FBXW4: variants seen among roughly 807,000 people sequenced by gnomAD.
FBXW4 encodes F-box and WD repeat domain containing 4.
A neutral mutation model predicts 61.8 loss-of-function variants in FBXW4; 40 were observed. The observed-to-expected ratio is 0.65, with a 90% CI of 0.50 to 0.84. FBXW4 has a LOEUF of 0.84. Ranked by LOEUF, FBXW4 falls within the 40% of genes least tolerant of loss-of-function variation. FBXW4 has a pLI of 0.00. For missense variants in FBXW4, 672 were observed against 753.8 expected (o/e 0.89, Z 1.27); for synonymous variants, 311 against 313.8 (o/e 0.99, Z 0.10).
At chr10:101,616,086 C>T (rs1051393459) in intron 6 of FBXW4, among the ~76,000 whole-genome samples, 1 of 152,182 alleles carries the variant, frequency 6.6e-6, no homozygotes, top group Non-Finnish European at 1.5e-5. Context: ...GACCCAGATG[C>T]TCATTCCTGC....
At chr10:101,619,890 G>A (rs770656179) in intron 6 of FBXW4, among the ~76,000 whole-genome samples, 5 of 152,198 alleles carry the variant, frequency 3.3e-5, no homozygotes, top group Non-Finnish European at 7.4e-5. Context: ...TCTGTGAGAA[G>A]CAGCATTGGC....
intron 5 of FBXW4, among the ~76,000 whole-genome samples, chr10:101,652,544 T>A (rs1383430280): frequency 6.7e-6 from 1 of 149,650 alleles, no homozygotes; most frequent in African/African-American, 2.5e-5. Context: ...AAGAAAAAAA[T>A]AATAATAACG....
At chr10:101,670,448 A>G (rs535465395) in intron 4 of FBXW4, among the ~76,000 whole-genome samples, 1 of 152,346 alleles carries the variant, frequency 6.6e-6, no homozygotes, top group South Asian at 2.1e-4. Context: ...TATCAGGCAA[A>G]CAATAATGGT....
chr10:101,620,494 C>G (rs2063859218), intron 6 of FBXW4, among the ~76,000 whole-genome samples: 1 of 152,216 alleles, frequency 6.6e-6, no homozygotes, highest in Admixed American at 6.5e-5. Context: ...AGTGGATGAA[C>G]CTGGGGCTGG....
rs79751867 is a variant in FBXW4 at position 101,618,933 on chromosome 10, G to C, written c.1301+5812C>G. 6.8e-3 allele frequency among the ~76,000 whole-genome samples: 1,029 copies of C among 152,264 alleles called. 12 individuals carry two copies. Among genetic ancestry groups the C allele is most frequent in the African/African-American group, 0.022 (930 of 41,564 alleles). ...AGCAAGAGGAAGCCCATGGAGGAAG[G>C]GGGTATTTGTGATGTCAGGCCAGTC... On this transcript the variant is annotated intron_variant, in intron 6 of 8. Transcript: ENST00000331272.
intron 5 of FBXW4, among the ~76,000 whole-genome samples, chr10:101,641,253 A>AG (rs1276050099): frequency 6.6e-6 from 1 of 152,192 alleles, no homozygotes; most frequent in South Asian, 2.1e-4. Flanking sequence ...AGAATCTTTG[A>AG]GGGGGAAAAA....
At chr10:101,613,716 A>G (rs913839051) in intron 6 of FBXW4, among the ~76,000 whole-genome samples, 1 of 152,198 alleles carries the variant, frequency 6.6e-6, no homozygotes, top group African/African-American at 2.4e-5. Flanking sequence ...CGAAGGCCGA[A>G]GGAATCAAAG....
intron 5 of FBXW4, among the ~76,000 whole-genome samples, chr10:101,643,219 C>T (rs933834524): frequency 1.3e-5 from 2 of 152,242 alleles, no homozygotes; most frequent in African/African-American, 4.8e-5. Flanking sequence ...ATTAGCGTAT[C>T]TACCCTTCAA....
intron 1 of FBXW4, among the ~76,000 whole-genome samples, chr10:101,693,371 CA>C (rs775938973): frequency 5.9e-5 from 9 of 152,170 alleles, no homozygotes; most frequent in Non-Finnish European, 1.0e-4. Context: ...TCTATAATAA[CA>C]AAAAGCTGAA....
intron 6 of FBXW4, among the ~76,000 whole-genome samples, chr10:101,613,982 A>G (rs1368069582): frequency 2.6e-5 from 4 of 152,244 alleles, no homozygotes; most frequent in African/African-American, 9.6e-5. Context: ...TCCCCAGATC[A>G]GCATCCCTTA....
chr10:101,682,024 G>A (rs1160208267), intron 1 of FBXW4, among the ~76,000 whole-genome samples: 1 of 151,926 alleles, frequency 6.6e-6, no homozygotes, highest in Non-Finnish European at 1.5e-5. Flanking sequence ...TCACACAATT[G>A]TTTTTTAAAA....
chr10:101,654,575 C>T (rs1290581084), intron 5 of FBXW4, among the ~76,000 whole-genome samples: 2 of 151,934 alleles, frequency 1.3e-5, no homozygotes, highest in Non-Finnish European at 2.9e-5. Flanking sequence ...AATTTAAATA[C>T]ATTAAAAGTA....
intron 5 of FBXW4, among the ~76,000 whole-genome samples, chr10:101,640,890 G>A (rs536110628): frequency 1.3e-5 from 2 of 151,550 alleles, no homozygotes; most frequent in Non-Finnish European, 2.9e-5. Flanking sequence ...GAGTACAATG[G>A]TGTGATCTTG....
chr10:101,631,398 A>T (rs969192633), intron 5 of FBXW4, among the ~76,000 whole-genome samples: 3 of 152,150 alleles, frequency 2.0e-5, no homozygotes, highest in Non-Finnish European at 4.4e-5. Context: ...GAGACTTATG[A>T]TATACTATTA....
intron 5 of FBXW4, among the ~76,000 whole-genome samples, chr10:101,647,787 T>C (rs2064114054): frequency 6.6e-6 from 1 of 152,250 alleles, no homozygotes; most frequent in Non-Finnish European, 1.5e-5. Flanking sequence ...GTGACCCATC[T>C]TACTTCAGGC....
At chr10:101,620,206 C>T (rs938254937) in intron 6 of FBXW4, among the ~76,000 whole-genome samples, 4 of 152,262 alleles carry the variant, frequency 2.6e-5, no homozygotes, top group Non-Finnish European at 5.9e-5. Flanking sequence ...AATGCTGCTC[C>T]ACCTCTCGGA....
chr10:101,629,999 C>T (rs1191517795), intron 5 of FBXW4, among the ~76,000 whole-genome samples: 1 of 152,196 alleles, frequency 6.6e-6, no homozygotes, highest in Non-Finnish European at 1.5e-5. Context: ...GCCTCTGAGC[C>T]TGGGCTGACA....
chr10:101,678,585 C>A (rs2064440579), intron 1 of FBXW4, among the ~76,000 whole-genome samples: 1 of 152,136 alleles, frequency 6.6e-6, no homozygotes, highest in Non-Finnish European at 1.5e-5. Flanking sequence ...ACCACCACAC[C>A]CAGCTAATTT....
chr10:101,667,603 T>G (rs574598475), intron 5 of FBXW4, among the ~76,000 whole-genome samples: 2 of 152,240 alleles, frequency 1.3e-5, no homozygotes, highest in African/African-American at 4.8e-5. Context: ...GGGACACTTC[T>G]GGCTAACAGC....
Sources: gnomAD v4.1 joint callset for allele counts (sites outside exome capture counted in the v4.1 genomes callset) on GRCh38, gnomAD v4.1.1 for gene constraint, MANE v1.5 for transcripts, NCBI Gene and HGNC (gene_info 2026-07-23, HGNC 2026-07-21) for gene names.